NEGR1: variants seen among roughly 807,000 people sequenced by gnomAD.
NEGR1 encodes the protein neuronal growth regulator 1.
In NEGR1, 10 loss-of-function variants were observed where a neutral mutation model predicts 40.9. The ratio of observed to expected loss-of-function variants is 0.24; its 90% CI spans 0.15 to 0.42. The LOEUF is 0.42. Ranked by LOEUF, NEGR1 falls within the 10% of genes least tolerant of loss-of-function variation. The probability of loss-of-function intolerance (pLI) is 1.00; values close to 1 mark genes in which losing one functional copy is unlikely to be tolerated. For missense variants in NEGR1, 352 were observed against 438.9 expected (o/e 0.80, Z 1.77); for synonymous variants, 185 against 166.8 (o/e 1.11, Z -0.84).
chr1:72,015,164 T>C (rs542794073), intron 1 of NEGR1, among the ~76,000 whole-genome samples: 171 of 152,212 alleles, frequency 1.1e-3, no homozygotes, highest in Non-Finnish European at 1.4e-3. Context: ...TAATTTAATA[T>C]GTTAAGAAAA....
At chr1:71,610,948 T>C (rs2101542222) in intron 5 of NEGR1, 78 bp downstream of exon 5, 3 of 1,445,390 alleles carry the variant, frequency 2.1e-6, no homozygotes, top group Non-Finnish European at 2.9e-6. Flanking sequence ...TTAAAGAAAT[T>C]GCCTAAAGTA....
intron 1 of NEGR1, among the ~76,000 whole-genome samples, chr1:71,940,595 C>T (rs1054950508): frequency 3.9e-5 from 6 of 152,076 alleles, no homozygotes; most frequent in Admixed American, 3.9e-4. Context: ...GGCACTGCTG[C>T]CTAAATTCTT....
At chr1:71,874,234 T>C (rs1371058593) in intron 2 of NEGR1, among the ~76,000 whole-genome samples, 4 of 152,170 alleles carry the variant, frequency 2.6e-5, no homozygotes, top group African/African-American at 9.7e-5. Flanking sequence ...ATGACATTAA[T>C]TTGCACTTAG....
At chr1:71,993,120 T>C (rs954618186) in intron 1 of NEGR1, among the ~76,000 whole-genome samples, 5 of 152,194 alleles carry the variant, frequency 3.3e-5, no homozygotes, top group African/African-American at 1.2e-4. Context: ...GGTTGCTTCA[T>C]GGCCAAATTT....
chr1:71,416,611 C>T (rs1363846571), intron 6 of NEGR1, among the ~76,000 whole-genome samples: 1 of 152,050 alleles, frequency 6.6e-6, no homozygotes, highest in African/African-American at 2.4e-5. Context: ...TAATCATTAC[C>T]ATTATATTTT....
intron 3 of NEGR1, among the ~76,000 whole-genome samples, chr1:71,722,095 T>A (rs568571389): frequency 6.6e-6 from 1 of 152,228 alleles, no homozygotes; most frequent in Non-Finnish European, 1.5e-5. Flanking sequence ...AATTAAGTGC[T>A]ATTATCTGGT....
intron 1 of NEGR1, among the ~76,000 whole-genome samples, chr1:72,148,578 T>C (rs1570042123): frequency 6.6e-6 from 1 of 152,136 alleles, no homozygotes; most frequent in African/African-American, 2.4e-5. Context: ...TTCTGAAATT[T>C]TATGCTCTGT....
intron 2 of NEGR1, among the ~76,000 whole-genome samples, chr1:71,848,163 G>A (rs578187708): frequency 6.6e-6 from 1 of 152,254 alleles, no homozygotes; most frequent in Non-Finnish European, 1.5e-5. Context: ...AATAGAGGTT[G>A]GTTCATGAGG....
chr1:71,742,875 A>G (rs1655260503), intron 3 of NEGR1, among the ~76,000 whole-genome samples: 1 of 152,172 alleles, frequency 6.6e-6, no homozygotes, highest in Non-Finnish European at 1.5e-5. Context: ...TATGTACACA[A>G]TATTTGTGTT....
intron 3 of NEGR1, among the ~76,000 whole-genome samples, chr1:71,704,511 C>G (rs1159445636): frequency 6.6e-6 from 1 of 151,846 alleles, no homozygotes; most frequent in African/African-American, 2.4e-5. Flanking sequence ...AATATTAAGA[C>G]AAACTACTTG....
intron 2 of NEGR1, among the ~76,000 whole-genome samples, chr1:71,883,573 A>G (rs1471721970): frequency 6.6e-6 from 1 of 151,968 alleles, no homozygotes; most frequent in East Asian, 1.9e-4. Context: ...TAAAGGAGCT[A>G]TTTTCTTTTT....
At chr1:72,171,585 C>T (rs1357999776) in intron 1 of NEGR1, among the ~76,000 whole-genome samples, 2 of 152,116 alleles carry the variant, frequency 1.3e-5, no homozygotes, top group Non-Finnish European at 2.9e-5. Flanking sequence ...TAAATGATTT[C>T]CTTCCAATGC....
At chr1:71,645,103 A>C (rs1466547508) in intron 4 of NEGR1, among the ~76,000 whole-genome samples, 1 of 151,990 alleles carries the variant, frequency 6.6e-6, no homozygotes, top group African/African-American at 2.4e-5. Flanking sequence ...TCAAGTCGGA[A>C]ACCAACCTAT....
At chr1:71,819,733 G>A (rs1658357611) in intron 2 of NEGR1, among the ~76,000 whole-genome samples, 1 of 151,954 alleles carries the variant, frequency 6.6e-6, no homozygotes. Flanking sequence ...TGTCAAAGGG[G>A]GGATAAAAAA....
At chr1:71,630,807 T>G (rs1650947358) in intron 4 of NEGR1, among the ~76,000 whole-genome samples, 2 of 151,944 alleles carry the variant, frequency 1.3e-5, no homozygotes, top group South Asian at 4.1e-4. Context: ...GGCATTCATT[T>G]AGCTATAGAA....
chr1:71,433,079 TA>T (rs1215533766), intron 6 of NEGR1, among the ~76,000 whole-genome samples: 4 of 152,218 alleles, frequency 2.6e-5, no homozygotes, highest in Non-Finnish European at 5.9e-5. Flanking sequence ...TAACGAGTTA[TA>T]AAAGTGCTTG....
intron 1 of NEGR1, among the ~76,000 whole-genome samples, chr1:71,972,908 T>C (rs1329694548): frequency 6.6e-6 from 1 of 152,150 alleles, no homozygotes; most frequent in Non-Finnish European, 1.5e-5. Context: ...TTTTAAATAG[T>C]AAGACTTAAA....
chr1:72,067,022 T>G (rs542370826), intron 1 of NEGR1, among the ~76,000 whole-genome samples: 1 of 152,240 alleles, frequency 6.6e-6, no homozygotes, highest in South Asian at 2.1e-4. Context: ...GTATGATCCA[T>G]CTGCATAAAT....
At chr1:71,628,523 T>A (rs1650862739) in intron 4 of NEGR1, among the ~76,000 whole-genome samples, 1 of 151,980 alleles carries the variant, frequency 6.6e-6, no homozygotes, top group African/African-American at 2.4e-5. Context: ...CGTCAACCCA[T>A]CATCTACATT....
Sources: gnomAD v4.1 joint callset for allele counts (sites outside exome capture counted in the v4.1 genomes callset) on GRCh38, gnomAD v4.1.1 for gene constraint, MANE v1.5 for transcripts, NCBI Gene and HGNC (gene_info 2026-07-23, HGNC 2026-07-21) for gene names.